The following TRPC6 variants were observed in gnomAD, a reference collection of about 807,000 sequenced individuals.
TRPC6 encodes the protein short transient receptor potential channel 6.
A neutral mutation model predicts 90.7 loss-of-function variants in TRPC6; 55 were observed. The ratio of observed to expected loss-of-function variants is 0.61; its 90% CI spans 0.49 to 0.76. The LOEUF is 0.76. Among genes scored for constraint, TRPC6 ranks in the 30% least tolerant of loss-of-function variants. The pLI is 0.00. For synonymous variants in TRPC6, 393 were observed against 393.0 expected (o/e 1.00, Z 0.00); for missense variants, 989 against 1,122.7 (o/e 0.88, Z 1.70).
intron 1 of TRPC6, among the ~76,000 whole-genome samples, chr11:101,509,034 A>G (rs1486036599): frequency 1.3e-5 from 2 of 152,096 alleles, no homozygotes; most frequent in African/African-American, 4.8e-5. Flanking sequence ...AATAAGAAGG[A>G]CACTTGGACT....
At chr11:101,453,218 A>C (rs781505710) in intron 12 of TRPC6, 112 bp from the exon 13 acceptor site, 4 of 1,108,948 alleles carry the variant, frequency 3.6e-6, no homozygotes, top group Non-Finnish European at 5.4e-6. Flanking sequence ...TTTATTTTGA[A>C]TCCTTTGAAA....
At chr11:101,498,623 T>G (rs1284830127) in intron 2 of TRPC6, among the ~76,000 whole-genome samples, 1 of 152,164 alleles carries the variant, frequency 6.6e-6, no homozygotes, top group East Asian at 1.9e-4. Flanking sequence ...TGGAAGGTGC[T>G]TAGAAAAGCA....
intron 10 of TRPC6, among the ~76,000 whole-genome samples, chr11:101,456,001 T>C (rs1320193919): frequency 1.3e-5 from 2 of 152,182 alleles, no homozygotes; most frequent in East Asian, 1.9e-4. Context: ...ATAAACAATA[T>C]ATAAATTTGA....
intron 10 of TRPC6, among the ~76,000 whole-genome samples, chr11:101,457,684 C>T (rs1441586389): frequency 6.6e-6 from 1 of 152,148 alleles, no homozygotes. Context: ...GGCTCTGTCA[C>T]TTGTTTGAAA....
chr11:101,464,762 C>CAAAA (rs1256757614), intron 10 of TRPC6, among the ~76,000 whole-genome samples: 1 of 152,074 alleles, frequency 6.6e-6, no homozygotes. Context: ...CAGTCTGTGT[C>CAAAA]TTTTAATTGG....
At chr11:101,526,724 C>T (rs1231859044) in intron 1 of TRPC6, among the ~76,000 whole-genome samples, 7 of 151,372 alleles carry the variant, frequency 4.6e-5, no homozygotes, top group East Asian at 3.9e-4. Context: ...ATTAGCTGGG[C>T]GTGGTGGCGG....
chr11:101,527,373 T>C (rs920476206), intron 1 of TRPC6, among the ~76,000 whole-genome samples: 1 of 152,220 alleles, frequency 6.6e-6, no homozygotes, highest in Non-Finnish European at 1.5e-5. Context: ...ACTTAATAAT[T>C]TAATGAAGCA....
intron 10 of TRPC6, among the ~76,000 whole-genome samples, chr11:101,466,913 A>G (rs1309097057): frequency 2.0e-5 from 3 of 152,198 alleles, no homozygotes; most frequent in Non-Finnish European, 2.9e-5. Flanking sequence ...AAAGCACAGT[A>G]TCTGGGTCAG....
intron 11 of TRPC6, among the ~76,000 whole-genome samples, chr11:101,454,138 C>G (rs1461277784): frequency 6.6e-6 from 1 of 152,094 alleles, no homozygotes; most frequent in African/African-American, 2.4e-5. Flanking sequence ...AAAAATGGAA[C>G]CAATTTTTAT....
At chr11:101,532,766 G>A (rs1159347541) in intron 1 of TRPC6, among the ~76,000 whole-genome samples, 1 of 152,126 alleles carries the variant, frequency 6.6e-6, no homozygotes, top group Non-Finnish European at 1.5e-5. Flanking sequence ...GAGGAGTGTG[G>A]GAGAAAGGGA....
intron 1 of TRPC6, among the ~76,000 whole-genome samples, chr11:101,526,371 A>G (rs554222070): frequency 2.0e-5 from 3 of 152,202 alleles, no homozygotes; most frequent in South Asian, 2.1e-4. Flanking sequence ...AAACTTTTCT[A>G]TAAGATACAT....
chr11:101,546,060 T>A (rs1861297555), intron 1 of TRPC6, among the ~76,000 whole-genome samples: 1 of 39,892 alleles, frequency 2.5e-5, no homozygotes, highest in Non-Finnish European at 5.0e-5. Flanking sequence ...CTTTTTTTTT[T>A]TTTTTTTTTT....
At chr11:101,460,197 C>T (rs11224769) in intron 10 of TRPC6, among the ~76,000 whole-genome samples, 47,074 of 152,018 alleles carry the variant, frequency 0.31, 9,450 homozygotes, top group African/African-American at 0.58. Context: ...ACGTAGTCAA[C>T]TGTATATTAT....
chr11:101,485,437 T>C (rs1017610419), intron 4 of TRPC6, among the ~76,000 whole-genome samples: 2 of 152,174 alleles, frequency 1.3e-5, no homozygotes, highest in African/African-American at 2.4e-5. Flanking sequence ...CAATGTTATA[T>C]TTCCATGATA....
In TRPC6 at chr11:101,527,344, T is replaced by C. The variant is rs538186936; in HGVS notation, c.171-22546A>G. Among the ~76,000 whole-genome samples, 5 of 152,328 alleles carry C rather than the reference T, an allele frequency of 3.3e-5. No individual in the cohort carries two copies. The South Asian group carries it at 1.0e-3, about 32-fold the overall frequency. On this transcript the variant is annotated intron_variant, in intron 1 of 12. Transcript: ENST00000344327. ...TACTTGAAATCACTATATTTAATTATAATACAAACCTCTAGGACACTTAAT... is the reference window on the plus strand; with the variant it reads ...TACTTGAAATCACTATATTTAATTACAATACAAACCTCTAGGACACTTAAT...
intron 10 of TRPC6, among the ~76,000 whole-genome samples, chr11:101,464,920 C>G (rs1304388611): frequency 1.3e-5 from 2 of 152,114 alleles, no homozygotes; most frequent in Non-Finnish European, 2.9e-5. Flanking sequence ...GTTTTTGCAG[C>G]AGCTTGTACC....
In TRPC6 at chr11:101,504,054, T is replaced by G; in HGVS notation, c.915A>C (p.Ala305=). 6.2e-7 allele frequency: 1 copy of G among 1,614,108 alleles called. No homozygotes were observed. The highest frequency in any genetic ancestry group is 2.2e-5 in the East Asian group (1 of 44,870). ...ACTCTTTCTCAATATTGGCCAGAAC[T>G]GCCAGTTCATTGCTAAGTTCTAAAG... is the stretch of plus-strand genomic sequence containing the variant. ...MTALELSNEL[A]VLANIEKEFK... Residue 305 remains alanine, a synonymous_variant, in exon 2 of 13, where the codon GCA becomes GCC. Coordinates refer to ENST00000344327, the MANE Select transcript of TRPC6 (RefSeq NM_004621.6).
intron 1 of TRPC6, among the ~76,000 whole-genome samples, chr11:101,535,203 G>T (rs147709901): frequency 2.6e-5 from 2 of 76,276 alleles, no homozygotes; most frequent in African/African-American, 7.9e-5. Context: ...AGGAAGGAAG[G>T]AAGGAAGGAA....
At chr11:101,500,581 A>C (rs1306152647) in intron 2 of TRPC6, among the ~76,000 whole-genome samples, 1 of 152,166 alleles carries the variant, frequency 6.6e-6, no homozygotes. Context: ...AGATATAAAG[A>C]CAACTCTTTC....
Sources: allele counts gnomAD v4.1 joint callset (sites outside exome capture counted in the v4.1 genomes callset), GRCh38; gene constraint gnomAD v4.1.1; transcripts MANE v1.5; gene names NCBI Gene and HGNC (gene_info 2026-07-23, HGNC 2026-07-21).